Variants in KIRREL3 observed in about 807,000 individuals in gnomAD.
KIRREL3 encodes kirre like nephrin family adhesion molecule 3, also known as kin of IRRE-like protein 3.
In KIRREL3, 36 loss-of-function variants were observed where a neutral mutation model predicts 89.7. The ratio of observed to expected loss-of-function variants is 0.40; its 90% CI spans 0.31 to 0.53. KIRREL3 has a LOEUF of 0.53. KIRREL3 is among the 20% of genes least tolerant of loss of function. The pLI, the probability that KIRREL3 is intolerant of heterozygous loss-of-function variation, is 0.49. For synonymous variants in KIRREL3, 445 were observed against 441.4 expected (o/e 1.01, Z -0.10); for missense variants, 864 against 1,056.6 (o/e 0.82, Z 2.53).
intron 1 of KIRREL3, among the ~76,000 whole-genome samples, chr11:126,654,548 T>A: frequency 6.6e-6 from 1 of 151,964 alleles, no homozygotes; most frequent in East Asian, 1.9e-4. Flanking sequence ...GAAGAGCATG[T>A]GTAATGTAGG....
At chr11:126,868,886 C>T (rs1453272467) in intron 1 of KIRREL3, among the ~76,000 whole-genome samples, 2 of 152,106 alleles carry the variant, frequency 1.3e-5, no homozygotes, top group African/African-American at 4.8e-5. Flanking sequence ...GCTTCATAGA[C>T]AGCTGCCTTC....
At chr11:126,910,850 G>A (rs1384398321) in intron 1 of KIRREL3, among the ~76,000 whole-genome samples, 1 of 152,230 alleles carries the variant, frequency 6.6e-6, no homozygotes, top group Non-Finnish European at 1.5e-5. Flanking sequence ...GGGACTGCCA[G>A]GTATCCTTGC....
chr11:126,791,714 G>A lies in KIRREL3; in HGVS notation c.55+208741C>T, dbSNP rs113980739. Among the ~76,000 whole-genome samples the A allele has an allele frequency of 2.0e-3, 309 of 152,288 alleles. 1 individual carries two copies. Among genetic ancestry groups the A allele is most frequent in the African/African-American group, 7.0e-3 (291 of 41,552 alleles). On this transcript the variant is annotated intron_variant, in intron 1 of 16. Coordinates refer to ENST00000525144, the MANE Select transcript of KIRREL3 (RefSeq NM_032531.4). This position sits in a 1 kb window ranked among gnomAD's most constrained non-coding sequence, Gnocchi z 4.8. ...AGGTGTGAATGAGTCTGAGCCCAGT[G>A]AAAGAGGGAGAGGGAACAGAGAGGG...
At position 126,734,413 on chromosome 11, in the gene KIRREL3, C is replaced by T. The variant is rs915535941; in HGVS notation, c.56-171501G>A. On this transcript the variant is annotated intron_variant, in intron 1 of 16. Coordinates refer to ENST00000525144, the MANE Select transcript of KIRREL3 (RefSeq NM_032531.4). The surrounding 1 kb of genome is among the most constrained non-coding windows in gnomAD (Gnocchi z 5.9). ...GCGCGGTGGCTCATGCATGTAATCC[C>T]AGCACTTTGCGTGGCTGAGGTGGGT... is the stretch of plus-strand genomic sequence containing the variant. Among the ~76,000 whole-genome samples, 5 of 152,146 alleles carry T rather than the reference C, an allele frequency of 3.3e-5. No individual in the cohort carries two copies. The highest frequency in any genetic ancestry group is 5.9e-5 in the Non-Finnish European group (4 of 68,022).
intron 6 of KIRREL3, among the ~76,000 whole-genome samples, chr11:126,461,921 C>G (rs1050684786): frequency 6.6e-6 from 1 of 152,216 alleles, no homozygotes; most frequent in Non-Finnish European, 1.5e-5. Context: ...ATTCAGAGCC[C>G]AGGACAGAAG....
At chr11:126,822,527 T>G (rs1247083369) in intron 1 of KIRREL3, among the ~76,000 whole-genome samples, 1 of 152,196 alleles carries the variant, frequency 6.6e-6, no homozygotes, top group Non-Finnish European at 1.5e-5. Flanking sequence ...CCCTGGGGAC[T>G]TTTTGCAACT....
chr11:126,651,627 G>A lies in KIRREL3; in HGVS notation c.56-88715C>T, dbSNP rs546378326. Among the ~76,000 whole-genome samples, 3 of 152,278 alleles carry A rather than the reference G, an allele frequency of 2.0e-5. No individual in the cohort carries two copies. The highest frequency in any genetic ancestry group is 3.9e-4 in the East Asian group (2 of 5,188). On this transcript the variant is annotated intron_variant, in intron 1 of 16. Coordinates refer to ENST00000525144, the MANE Select transcript of KIRREL3 (RefSeq NM_032531.4). This position sits in a 1 kb window ranked among gnomAD's most constrained non-coding sequence, Gnocchi z 4.6. Reference sequence around the variant, plus strand: ...GGATTTATCAGGTTTGATTATAGATGCATAATGAATTTACCAAATTTGTGG... The same window carrying A: ...GGATTTATCAGGTTTGATTATAGATACATAATGAATTTACCAAATTTGTGG...
rs1358366870 is a variant in KIRREL3, at chr11:126,642,632, C to T, written c.56-79720G>A. The stretch of plus-strand genomic sequence containing the variant: ...GTAGGCCAAGGAGCAAAGAAGAAGT[C>T]CCATAAAGGTCAAGAGCATCTTACA... On this transcript the variant is annotated intron_variant, in intron 1 of 16. Coordinates refer to ENST00000525144, the MANE Select transcript of KIRREL3 (RefSeq NM_032531.4). The surrounding 1 kb of genome is among the most constrained non-coding windows in gnomAD (Gnocchi z 4.9). 6.6e-6 allele frequency among the ~76,000 whole-genome samples: 1 copy of T among 152,146 alleles called. No homozygotes were observed. The highest frequency in any genetic ancestry group is 1.5e-5 in the Non-Finnish European group (1 of 68,032).
At chr11:126,932,656 G>A (rs1342692346) in intron 1 of KIRREL3, among the ~76,000 whole-genome samples, 1 of 152,226 alleles carries the variant, frequency 6.6e-6, no homozygotes, top group Non-Finnish European at 1.5e-5. Flanking sequence ...TGCTTCTGCT[G>A]TGAGTCCCAG....
chr11:126,565,477 G>A lies in KIRREL3; in HGVS notation c.56-2565C>T, dbSNP rs1940448350. Among the ~76,000 whole-genome samples, 1 of 152,248 alleles carries A rather than the reference G, an allele frequency of 6.6e-6. No homozygotes were observed. Among genetic ancestry groups the A allele is most frequent in the South Asian group, 2.1e-4 (1 of 4,812 alleles). On this transcript the variant is annotated intron_variant, in intron 1 of 16. Coordinates refer to ENST00000525144, the MANE Select transcript of KIRREL3 (RefSeq NM_032531.4). This position sits in a 1 kb window ranked among gnomAD's most constrained non-coding sequence, Gnocchi z 5.4. ...GTATTTGGCTCATTTAATTTGACAC[G>A]CGTGGGTTAGTCTTAATTATTTAGG...
chr11:126,499,023 C>G (rs1957765659), intron 4 of KIRREL3, among the ~76,000 whole-genome samples: 1 of 151,916 alleles, frequency 6.6e-6, no homozygotes, highest in African/African-American at 2.4e-5. Context: ...TGTGGTGGCA[C>G]ATGCCTGTAA....
intron 1 of KIRREL3, among the ~76,000 whole-genome samples, chr11:126,617,055 G>A (rs1356056180): frequency 6.6e-6 from 1 of 152,234 alleles, no homozygotes; most frequent in Admixed American, 6.5e-5. Context: ...TTCCATCAGA[G>A]CAGGCAGGTT....
At position 126,635,787 on chromosome 11, in the gene KIRREL3, G is replaced by A. The variant is rs910109938; in HGVS notation, c.56-72875C>T. Among the ~76,000 whole-genome samples, 4 of 152,220 alleles carry A rather than the reference G, an allele frequency of 2.6e-5. No homozygotes were observed. The highest frequency in any genetic ancestry group is 9.6e-5 in the African/African-American group (4 of 41,460). ...AGAATTGTTGTGGTAATCTGAAGAG[G>A]CGATTGGTATAAAAATACCAGGTAA... On this transcript the variant is annotated intron_variant, in intron 1 of 16. Transcript: ENST00000525144. This position sits in a 1 kb window ranked among gnomAD's most constrained non-coding sequence, Gnocchi z 4.0.
At position 126,516,503 on chromosome 11, in the gene KIRREL3, A is replaced by C. The variant is rs914959624; in HGVS notation, c.433+4812T>G. On this transcript the variant is annotated intron_variant, in intron 4 of 16. Coordinates refer to ENST00000525144, the MANE Select transcript of KIRREL3 (RefSeq NM_032531.4). The surrounding 1 kb of genome is among the most constrained non-coding windows in gnomAD (Gnocchi z 4.9). ...TATCGACCGCCTTCTCTCTGCCAGAATGCAAGCTCCACCAGGGCAAGGATG... is the reference window on the plus strand; with the variant it reads ...TATCGACCGCCTTCTCTCTGCCAGACTGCAAGCTCCACCAGGGCAAGGATG... Among the ~76,000 whole-genome samples the C allele has an allele frequency of 6.6e-6, 1 of 152,194 alleles. No individual in the cohort carries two copies. Among genetic ancestry groups the C allele is most frequent in the African/African-American group, 2.4e-5 (1 of 41,446 alleles).
chr11:126,885,877 C>G (rs1262706520), intron 1 of KIRREL3, among the ~76,000 whole-genome samples: 1 of 152,170 alleles, frequency 6.6e-6, no homozygotes, highest in Non-Finnish European at 1.5e-5. Flanking sequence ...GTGTGAGGCT[C>G]ACAGATAAGC....
intron 16 of KIRREL3, 51 bp downstream of exon 16, chr11:126,425,587 G>C (rs1230406632): frequency 9.7e-6 from 14 of 1,445,770 alleles, no homozygotes; most frequent in Middle Eastern, 1.7e-4. Context: ...GGCCATCAGA[G>C]CTAAAGACCA....
At chr11:126,840,015 C>T (rs1475677801) in intron 1 of KIRREL3, among the ~76,000 whole-genome samples, 5 of 152,084 alleles carry the variant, frequency 3.3e-5, no homozygotes, top group African/African-American at 1.2e-4. Flanking sequence ...CGACTTCTCA[C>T]TAGGGACATG....
intron 1 of KIRREL3, among the ~76,000 whole-genome samples, chr11:126,952,188 G>A (rs1183723086): frequency 1.3e-5 from 2 of 152,200 alleles, no homozygotes; most frequent in South Asian, 2.1e-4. Context: ...GAGTTCGAGA[G>A]CAGCCTGGCC....
At chr11:126,846,298 A>G (rs1428543713) in intron 1 of KIRREL3, among the ~76,000 whole-genome samples, 1 of 152,194 alleles carries the variant, frequency 6.6e-6, no homozygotes, top group South Asian at 2.1e-4. Context: ...AAACTGGCAA[A>G]TGAAAAATCT....
Sources: allele counts gnomAD v4.1 joint callset (sites outside exome capture counted in the v4.1 genomes callset), GRCh38; gene constraint gnomAD v4.1.1; non-coding constraint Gnocchi (gnomAD v3.1); transcripts MANE v1.5; gene names NCBI Gene and HGNC (gene_info 2026-07-23, HGNC 2026-07-21).